RIN3: variants seen among roughly 807,000 people sequenced by gnomAD.
RIN3 encodes the protein Ras and Rab interactor 3.
A neutral mutation model predicts 76.3 loss-of-function variants in RIN3; 54 were observed. The observed-to-expected ratio is 0.71, with a 90% CI of 0.57 to 0.89. The LOEUF (loss-of-function observed/expected upper bound fraction) is 0.89, where lower values mean the gene tolerates loss of function less well. RIN3 is among the 40% of genes least tolerant of loss of function. The pLI, the probability that RIN3 is intolerant of heterozygous loss-of-function variation, is 0.00. For synonymous variants in RIN3, 576 were observed against 564.0 expected, an observed-to-expected ratio of 1.02 and a Z score of -0.30; for missense variants, 1,256 against 1,322.1, an observed-to-expected ratio of 0.95 and a Z score of 0.78.
chr14:92,595,817 C>G (rs578207226), intron 3 of RIN3, among the ~76,000 whole-genome samples: 3 of 152,326 alleles, frequency 2.0e-5, no homozygotes, highest in East Asian at 3.9e-4. Flanking sequence ...TCCCAAGCAC[C>G]TGGATGGTAA....
intron 3 of RIN3, among the ~76,000 whole-genome samples, chr14:92,585,875 T>C (rs1489312548): frequency 6.6e-6 from 1 of 152,170 alleles, no homozygotes; most frequent in Non-Finnish European, 1.5e-5. Context: ...AAAAGAGGGA[T>C]TGGTGTCGAG....
intron 4 of RIN3, chr14:92,615,743 T>G (rs1885934494): frequency 6.3e-6 from 3 of 475,868 alleles, no homozygotes; most frequent in Admixed American, 3.5e-5. Flanking sequence ...TATCATCAGC[T>G]TCAAGGACAG....
intron 3 of RIN3, among the ~76,000 whole-genome samples, chr14:92,611,151 A>G (rs961913589): frequency 1.3e-5 from 2 of 152,138 alleles, no homozygotes; most frequent in East Asian, 1.9e-4. Flanking sequence ...CATCTGTTCC[A>G]TGCCTCCCTC....
In RIN3 at chr14:92,646,763, C is replaced by T. The variant is rs534082844; in HGVS notation, c.533-4819C>T. On this transcript the variant is annotated intron_variant, in intron 5 of 9. Coordinates refer to ENST00000216487, the MANE Select transcript of RIN3 (RefSeq NM_024832.5). ...GCCATGTGTGTTTGTTTTTAACTGA[C>T]AAGACCAGAAAAGGCTGAGGATGAA... Among the ~76,000 whole-genome samples, 3 of 152,300 alleles carry T rather than the reference C, an allele frequency of 2.0e-5. No individual in the cohort carries two copies. The East Asian group carries it at 5.8e-4, about 29-fold the overall frequency.
At chr14:92,525,082 G>C (rs1215859897) in intron 1 of RIN3, among the ~76,000 whole-genome samples, 1 of 152,222 alleles carries the variant, frequency 6.6e-6, no homozygotes, top group East Asian at 1.9e-4. Context: ...GCAAAGCTGG[G>C]TAGGGGCTGA....
In RIN3 at chr14:92,669,544, G is replaced by C. The variant is rs536422640; in HGVS notation, c.2336-6931G>C. Among the ~76,000 whole-genome samples, 6 of 152,296 alleles carry C rather than the reference G, an allele frequency of 3.9e-5. No homozygotes were observed. The South Asian group carries it at 1.0e-3, about 26-fold the overall frequency. On this transcript the variant is annotated intron_variant, in intron 7 of 9. Coordinates refer to ENST00000216487, the MANE Select transcript of RIN3 (RefSeq NM_024832.5). ...ATCATGGTGGAAAGCGAGGGCCAGG[G>C]CAGGGCACAGTCATGAGCCTCCTGC... is the stretch of plus-strand genomic sequence containing the variant.
intron 4 of RIN3, among the ~76,000 whole-genome samples, chr14:92,619,319 C>T (rs1026056129): frequency 2.0e-5 from 3 of 150,782 alleles, no homozygotes; most frequent in African/African-American, 7.3e-5. Flanking sequence ...TTTATTTTGC[C>T]AAAATGACTC....
intron 3 of RIN3, among the ~76,000 whole-genome samples, chr14:92,582,310 T>TGAAAATATGATGAAAACC (rs574359427): frequency 1.6e-3 from 249 of 152,320 alleles, no homozygotes; most frequent in Admixed American, 3.3e-3. Flanking sequence ...CTCAATTTGC[T>TGAAAATATGATGAAAACC]GAAAATATGA....
chr14:92,597,168 A>G (rs554458850), intron 3 of RIN3, among the ~76,000 whole-genome samples: 2 of 94,174 alleles, frequency 2.1e-5, no homozygotes, highest in African/African-American at 6.6e-5. Context: ...GTGTGTTTAT[A>G]TATATTATTT....
intron 1 of RIN3, among the ~76,000 whole-genome samples, chr14:92,528,843 T>C (rs996913407): frequency 6.6e-6 from 1 of 152,000 alleles, no homozygotes; most frequent in Non-Finnish European, 1.5e-5. Context: ...CAGTGAGCGG[T>C]TCGCGGGACA....
At chr14:92,655,811 G>A (rs566616957) in intron 6 of RIN3, among the ~76,000 whole-genome samples, 1 of 152,252 alleles carries the variant, frequency 6.6e-6, no homozygotes, top group African/African-American at 2.4e-5. Flanking sequence ...GAGCATTGGC[G>A]TCCCTGGGAG....
chr14:92,593,935 A>G (rs1885069701), intron 3 of RIN3, among the ~76,000 whole-genome samples: 1 of 152,222 alleles, frequency 6.6e-6, no homozygotes, highest in African/African-American at 2.4e-5. Context: ...CCCCTCCATC[A>G]GACATAGGCA....
At chr14:92,592,105 T>C (rs1884996944) in intron 3 of RIN3, among the ~76,000 whole-genome samples, 1 of 152,066 alleles carries the variant, frequency 6.6e-6, no homozygotes, top group Non-Finnish European at 1.5e-5. Flanking sequence ...TGTTTTGTTA[T>C]TAGAAGGTAC....
At chr14:92,521,695 C>T (rs1896601586) in intron 1 of RIN3, among the ~76,000 whole-genome samples, 1 of 152,206 alleles carries the variant, frequency 6.6e-6, no homozygotes, top group Non-Finnish European at 1.5e-5. Flanking sequence ...CCTGCAGAAC[C>T]ATGAGCCAAA....
intron 2 of RIN3, chr14:92,576,498 C>A: frequency 1.0e-6 from 1 of 972,806 alleles, no homozygotes; most frequent in Non-Finnish European, 1.4e-6. Context: ...TTGGGATCTG[C>A]ATGCAGAGGC....
chr14:92,580,243 C>T (rs1898393967), intron 3 of RIN3, among the ~76,000 whole-genome samples: 1 of 152,228 alleles, frequency 6.6e-6, no homozygotes, highest in Non-Finnish European at 1.5e-5. Flanking sequence ...GTGGCATGCA[C>T]CTGTAGTTCC....
At chr14:92,578,794 G>C (rs962530566) in intron 3 of RIN3, among the ~76,000 whole-genome samples, 1 of 152,218 alleles carries the variant, frequency 6.6e-6, no homozygotes, top group Non-Finnish European at 1.5e-5. Context: ...TGATCCATAA[G>C]AAAGAATGCA....
At chr14:92,617,156 T>C (rs925700472) in intron 4 of RIN3, among the ~76,000 whole-genome samples, 1 of 151,972 alleles carries the variant, frequency 6.6e-6, no homozygotes, top group African/African-American at 2.4e-5. Flanking sequence ...AAAAATTAGC[T>C]GGGCGTAGTG....
chr14:92,637,692 G>T (rs1228617124), intron 4 of RIN3, among the ~76,000 whole-genome samples: 1 of 152,174 alleles, frequency 6.6e-6, no homozygotes, highest in African/African-American at 2.4e-5. Flanking sequence ...TCACAGGATT[G>T]CTTCAAGGGT....
Sources: allele counts gnomAD v4.1 joint callset (sites outside exome capture counted in the v4.1 genomes callset), GRCh38; gene constraint gnomAD v4.1.1; transcripts MANE v1.5; gene names NCBI Gene and HGNC (gene_info 2026-07-23, HGNC 2026-07-21).